The following L3MBTL4 variants were observed in gnomAD, a reference collection of about 807,000 sequenced individuals.
The protein encoded by L3MBTL4 is lethal(3)malignant brain tumor-like protein 4.
L3MBTL4 carries 70 observed loss-of-function variants against 84.5 expected under a neutral mutation model. The observed-to-expected ratio is 0.83, with a 90% CI of 0.68 to 1.01. The LOEUF (loss-of-function observed/expected upper bound fraction) is 1.01. Ranked by LOEUF, L3MBTL4 falls within the 50% of genes least tolerant of loss-of-function variation. The pLI, the probability that L3MBTL4 is intolerant of heterozygous loss-of-function variation, is 0.00. For synonymous variants in L3MBTL4, 274 were observed against 259.8 expected (o/e 1.05, Z -0.52); for missense variants, 715 against 754.8 (o/e 0.95, Z 0.62).
chr18:6,358,555 T>C (rs370851266), intron 1 of L3MBTL4, among the ~76,000 whole-genome samples: 245 of 152,284 alleles, frequency 1.6e-3, no homozygotes, highest in African/African-American at 5.6e-3. Context: ...AAGACAGCTG[T>C]AGCAAAAGTC....
chr18:6,129,366 C>G (rs935425496), intron 14 of L3MBTL4, among the ~76,000 whole-genome samples: 11 of 139,186 alleles, frequency 7.9e-5, no homozygotes, highest in Non-Finnish European at 1.2e-4. Context: ...CTGGAATTCT[C>G]TCTGTGTGTG....
chr18:6,269,227 T>C (rs1185567701), intron 4 of L3MBTL4, among the ~76,000 whole-genome samples: 3 of 152,150 alleles, frequency 2.0e-5, no homozygotes, highest in Non-Finnish European at 4.4e-5. Flanking sequence ...CTTGGGAGGC[T>C]GAGGCGGGCG....
intron 16 of L3MBTL4, among the ~76,000 whole-genome samples, chr18:6,065,325 T>A (rs906329236): frequency 2.6e-5 from 4 of 152,070 alleles, no homozygotes; most frequent in Admixed American, 6.6e-5. Flanking sequence ...TTTTGTTATG[T>A]CCTTTCCTGG....
intron 4 of L3MBTL4, among the ~76,000 whole-genome samples, chr18:6,282,193 T>C (rs2049351322): frequency 1.3e-5 from 2 of 152,220 alleles, no homozygotes; most frequent in South Asian, 2.1e-4. Context: ...CTAGGCTCTA[T>C]GGGCACAAAA....
chr18:6,353,237 A>T (rs2053281513), intron 1 of L3MBTL4, among the ~76,000 whole-genome samples: 1 of 151,736 alleles, frequency 6.6e-6, no homozygotes, highest in African/African-American at 2.4e-5. Context: ...ACAGTTCATG[A>T]GGTAGCTCTA....
chr18:6,070,794 C>T (rs1050884395), intron 16 of L3MBTL4, among the ~76,000 whole-genome samples: 1 of 152,076 alleles, frequency 6.6e-6, no homozygotes, highest in African/African-American at 2.4e-5. Flanking sequence ...GCTGTGATCG[C>T]ACCACTGCAC....
intron 1 of L3MBTL4, among the ~76,000 whole-genome samples, chr18:6,321,053 T>C (rs1490776385): frequency 2.0e-5 from 3 of 152,108 alleles, no homozygotes; most frequent in African/African-American, 4.8e-5. Context: ...ACAGGATCCC[T>C]CTCTCTCGCC....
chr18:6,110,484 G>A lies in L3MBTL4; in HGVS notation c.1200-16956C>T, dbSNP rs146308337. Among the ~76,000 whole-genome samples the A allele has an allele frequency of 2.6e-3, 394 of 151,438 alleles. 3 individuals carry two copies. The highest frequency in any genetic ancestry group is 9.0e-3 in the African/African-American group (373 of 41,218). On this transcript the variant is annotated intron_variant, in intron 14 of 18. Coordinates refer to ENST00000317931, the MANE Select transcript of L3MBTL4 (RefSeq NM_001330559.2). ...TTGTATGTGTGGCATGGGTGGGTGG[G>A]TGTGTACATGTGGTTGTACACGTGT...
intron 1 of L3MBTL4, among the ~76,000 whole-genome samples, chr18:6,387,656 C>A (rs1285311114): frequency 1.3e-5 from 2 of 151,930 alleles, no homozygotes; most frequent in Non-Finnish European, 2.9e-5. Flanking sequence ...GGAAAAATAC[C>A]GAAGATGTGG....
At chr18:6,318,494 TAAAA>T (rs71370550) in intron 1 of L3MBTL4, among the ~76,000 whole-genome samples, 1,827 of 14,014 alleles carry the variant, frequency 0.13, 5 homozygotes, top group Non-Finnish European at 0.14. Context: ...ACAACAATAG[TAAAA>T]AAAAAAAAAA....
At chr18:6,106,642 A>G (rs1256905681) in intron 14 of L3MBTL4, among the ~76,000 whole-genome samples, 1 of 152,224 alleles carries the variant, frequency 6.6e-6, no homozygotes, top group African/African-American at 2.4e-5. Context: ...TTCTGCCAGA[A>G]AAAGGCTTTA....
intron 1 of L3MBTL4, among the ~76,000 whole-genome samples, chr18:6,317,318 C>G (rs1442706160): frequency 6.6e-6 from 1 of 151,152 alleles, no homozygotes; most frequent in African/African-American, 2.4e-5. Context: ...AAGCAGATAC[C>G]AGAGAAAGGT....
intron 10 of L3MBTL4, among the ~76,000 whole-genome samples, chr18:6,226,802 C>A (rs2046802517): frequency 6.6e-6 from 1 of 151,824 alleles, no homozygotes; most frequent in Non-Finnish European, 1.5e-5. Context: ...CCAATAAAAT[C>A]TTTAAAAAGT....
At chr18:6,332,318 C>T (rs2052079629) in intron 1 of L3MBTL4, among the ~76,000 whole-genome samples, 1 of 152,186 alleles carries the variant, frequency 6.6e-6, no homozygotes, top group Non-Finnish European at 1.5e-5. Context: ...GTTCTGAAGA[C>T]CACTGGGCTG....
At chr18:6,413,585 C>A (rs1177199401) in intron 1 of L3MBTL4, among the ~76,000 whole-genome samples, 1 of 151,400 alleles carries the variant, frequency 6.6e-6, no homozygotes, top group Non-Finnish European at 1.5e-5. Flanking sequence ...ATTAGAAAAC[C>A]GAAGAGCCAC....
chr18:6,174,202 A>G (rs761400411), intron 12 of L3MBTL4, among the ~76,000 whole-genome samples: 1 of 152,144 alleles, frequency 6.6e-6, no homozygotes, highest in Non-Finnish European at 1.5e-5. Context: ...ATAACATACA[A>G]AAGTTTATTA....
At chr18:5,963,248 A>AAGTGTTGC (rs2052153460) in intron 17 of L3MBTL4, among the ~76,000 whole-genome samples, 1 of 152,226 alleles carries the variant, frequency 6.6e-6, no homozygotes, top group African/African-American at 2.4e-5. Context: ...TTCACAGCAG[A>AAGTGTTGC]AGTGTTGCAA....
intron 16 of L3MBTL4, among the ~76,000 whole-genome samples, chr18:6,050,541 T>G (rs1269014943): frequency 6.6e-6 from 1 of 152,204 alleles, no homozygotes; most frequent in Non-Finnish European, 1.5e-5. Context: ...GCACAATAAT[T>G]TCTAAAGTAT....
At chr18:6,279,506 T>C (rs2049232981) in intron 4 of L3MBTL4, among the ~76,000 whole-genome samples, 1 of 152,244 alleles carries the variant, frequency 6.6e-6, no homozygotes, top group East Asian at 1.9e-4. Flanking sequence ...GTCCTGTCAC[T>C]AGAGAGGAAT....
Sources: allele counts gnomAD v4.1 joint callset (sites outside exome capture counted in the v4.1 genomes callset), GRCh38; gene constraint gnomAD v4.1.1; transcripts MANE v1.5; gene names NCBI Gene and HGNC (gene_info 2026-07-23, HGNC 2026-07-21).